Variants in GORASP2 observed in about 807,000 individuals in gnomAD.
GORASP2 encodes Golgi reassembly-stacking protein 2.
In GORASP2, 22 loss-of-function variants were observed where a neutral mutation model predicts 45.7. The observed-to-expected ratio is 0.48, with a 90% CI of 0.34 to 0.69. The LOEUF (loss-of-function observed/expected upper bound fraction) is 0.69, where lower values mean the gene tolerates loss of function less well. GORASP2 is among the 30% of genes least tolerant of loss of function. GORASP2 has a pLI of 0.01. For synonymous variants in GORASP2, 221 were observed against 215.6 expected (o/e 1.02, Z -0.22); for missense variants, 491 against 562.7 (o/e 0.87, Z 1.29).
Position 170,966,205 on chromosome 2 carries a change from A to T in GORASP2, c.*75A>T, listed in dbSNP as rs1438887188. ...TGTCTGGAAACGCAAACTATCATTA[A>T]TTTCATACTAGTTTGTACCGTATCT... On this transcript the variant is annotated 3_prime_UTR_variant, in exon 10 of 10. Transcript: ENST00000234160. The T allele has an allele frequency of 5.9e-6, 6 of 1,017,638 alleles. 1 individual carries two copies. The highest frequency in any genetic ancestry group is 9.3e-6 in the Non-Finnish European group (6 of 646,874). 63.0% of individuals were successfully genotyped at this position (1,017,638 alleles called of 1,614,324 possible).
At chr2:170,936,146 A>G (rs943314310) in intron 1 of GORASP2, among the ~76,000 whole-genome samples, 1 of 151,776 alleles carries the variant, frequency 6.6e-6, no homozygotes, top group African/African-American at 2.4e-5. Flanking sequence ...TGAAAGGATT[A>G]TATATATTGA....
intron 1 of GORASP2, among the ~76,000 whole-genome samples, chr2:170,942,889 T>C (rs1332888726): frequency 6.6e-6 from 1 of 152,226 alleles, no homozygotes; most frequent in Non-Finnish European, 1.5e-5. Flanking sequence ...TTTTTAATTA[T>C]GGTCATTCCA....
At chr2:170,946,127 T>C (rs1185313317) in intron 1 of GORASP2, among the ~76,000 whole-genome samples, 1 of 152,078 alleles carries the variant, frequency 6.6e-6, no homozygotes, top group Non-Finnish European at 1.5e-5. Flanking sequence ...TCCTCCCAGC[T>C]CAGCCTTCCA....
chr2:170,939,744 C>T (rs552642776), intron 1 of GORASP2, among the ~76,000 whole-genome samples: 9 of 152,262 alleles, frequency 5.9e-5, no homozygotes, highest in East Asian at 1.9e-4. Flanking sequence ...CTGCAGATAA[C>T]AGGGACTACT....
chr2:170,947,317 T>C (rs573366728), intron 1 of GORASP2, among the ~76,000 whole-genome samples: 2 of 152,360 alleles, frequency 1.3e-5, no homozygotes, highest in South Asian at 4.1e-4. Context: ...TAGCTACGCA[T>C]GCTGTGATCC....
intron 1 of GORASP2, among the ~76,000 whole-genome samples, chr2:170,944,077 A>G (rs1704132309): frequency 6.6e-6 from 1 of 152,204 alleles, no homozygotes; most frequent in Non-Finnish European, 1.5e-5. Context: ...GTATATATAG[A>G]CTTTTAGTTA....
intron 1 of GORASP2, among the ~76,000 whole-genome samples, chr2:170,941,455 G>GTC (rs1704075726): frequency 6.6e-6 from 1 of 152,184 alleles, no homozygotes; most frequent in South Asian, 2.1e-4. Flanking sequence ...GCACACAAGT[G>GTC]TATAGCTTGG....
intron 1 of GORASP2, 109 bp downstream of exon 1, chr2:170,929,512 C>A: frequency 1.1e-6 from 1 of 930,496 alleles, no homozygotes; most frequent in Non-Finnish European, 1.5e-6. Context: ...CCCGATCCCG[C>A]GAAGGAGCGG....
At chr2:170,949,925 G>T in intron 3 of GORASP2, 183 bp downstream of exon 3, 1 of 580,402 alleles carries the variant, frequency 1.7e-6, no homozygotes, top group Non-Finnish European at 3.1e-6. Flanking sequence ...AGGAAGAGAA[G>T]CAAATGTACA....
rs759564422 is a variant in GORASP2, at chr2:170,961,685, G to A, written c.846G>A (p.Leu282=). Residue 282 remains leucine, a synonymous_variant, in exon 8 of 10, where the codon TTG becomes TTA. Coordinates refer to ENST00000234160, the MANE Select transcript of GORASP2 (RefSeq NM_015530.5). The part of the protein sequence containing the change: ...LSTGVPTVPL[L]PPQVNQSLTS... ...TAGGTGTACCAACAGTACCGTTATT[G>A]CCACCACAAGTAAACCAGTCCCTCA... 1 of 1,589,390 alleles carries A rather than the reference G, an allele frequency of 6.3e-7. No homozygotes were observed. Among genetic ancestry groups the A allele is most frequent in the Admixed American group, 1.7e-5 (1 of 59,996 alleles).
intron 2 of GORASP2, 44 bp from the exon 3 acceptor site, chr2:170,949,495 T>A (rs781223929): frequency 6.9e-6 from 10 of 1,455,882 alleles, no homozygotes; most frequent in East Asian, 4.5e-5. Flanking sequence ...AAGCTAACAT[T>A]AAATTTTTAT....
chr2:170,966,364 TG>T lies in GORASP2; in HGVS notation c.*235del, dbSNP rs1177728069. On this transcript the variant is annotated 3_prime_UTR_variant, in exon 10 of 10. Coordinates refer to ENST00000234160, the MANE Select transcript of GORASP2 (RefSeq NM_015530.5). ...TGTATTTTAAACAACCAAAAAGAATTGTAAGGGTGGCTTGCTGCCAGGCTTG... is the reference window on the plus strand; with the variant it reads ...TGTATTTTAAACAACCAAAAAGAATTTAAGGGTGGCTTGCTGCCAGGCTTG... The T allele has an allele frequency of 7.2e-6, 4 of 553,080 alleles. No homozygotes were observed. Among genetic ancestry groups the T allele is most frequent in the African/African-American group, 5.7e-5 (3 of 52,572 alleles). The allele number at this position is 553,080 out of a possible 1,614,324, so 34.3% of individuals were successfully genotyped here.
intron 9 of GORASP2, among the ~76,000 whole-genome samples, chr2:170,964,546 G>A (rs554308325): frequency 2.0e-5 from 3 of 152,206 alleles, no homozygotes; most frequent in South Asian, 2.1e-4. Context: ...CCAGCTACTC[G>A]GGAAGGTGAG....
In GORASP2 at chr2:170,954,800, C is replaced by A; in HGVS notation, c.699+18C>A. On this transcript the variant is annotated intron_variant, in intron 6 of 9. Coordinates refer to ENST00000234160, the MANE Select transcript of GORASP2 (RefSeq NM_015530.5). ...TTACAGAGGTAAGATCACGTTCCTA[C>A]CTGAGTATATCATAAAGTTTTTACC... is the stretch of plus-strand genomic sequence containing the variant. 1.3e-6 allele frequency: 2 copies of A among 1,598,026 alleles called. No homozygotes were observed. The highest frequency in any genetic ancestry group is 1.7e-5 in the Admixed American group (1 of 58,328).
intron 1 of GORASP2, among the ~76,000 whole-genome samples, chr2:170,944,838 GA>G (rs1704149370): frequency 6.6e-6 from 1 of 152,192 alleles, no homozygotes; most frequent in Non-Finnish European, 1.5e-5. Context: ...GAAACATTCA[GA>G]TTCAGAGAAT....
intron 7 of GORASP2, among the ~76,000 whole-genome samples, chr2:170,960,217 CAT>C (rs1446658452): frequency 6.6e-6 from 1 of 152,184 alleles, no homozygotes; most frequent in Non-Finnish European, 1.5e-5. Flanking sequence ...CTGATTTCTT[CAT>C]GTTGTAAAGT....
intron 1 of GORASP2, among the ~76,000 whole-genome samples, chr2:170,940,784 A>G (rs1704058109): frequency 6.6e-6 from 1 of 152,152 alleles, no homozygotes; most frequent in South Asian, 2.1e-4. Context: ...ACATTTCATG[A>G]AGAATATAGG....
chr2:170,929,519 G>A, intron 1 of GORASP2, 116 bp downstream of exon 1: 2 of 865,736 alleles, frequency 2.3e-6, no homozygotes, highest in Non-Finnish European at 3.3e-6. Flanking sequence ...CCGCGAAGGA[G>A]CGGCGGTCGC....
intron 5 of GORASP2, 77 bp from the exon 6 acceptor site, chr2:170,954,571 CCG>C: frequency 8.2e-7 from 1 of 1,212,898 alleles, no homozygotes; most frequent in African/African-American, 1.5e-5. Flanking sequence ...CTTGGGTTAC[CCG>C]CCCCCCCCAA....
Sources: gnomAD v4.1 joint callset for allele counts (sites outside exome capture counted in the v4.1 genomes callset) on GRCh38, gnomAD v4.1.1 for gene constraint, MANE v1.5 for transcripts, NCBI Gene and HGNC (gene_info 2026-07-23, HGNC 2026-07-21) for gene names.